Variants in MCPH1 observed in about 807,000 individuals in gnomAD.
MCPH1 encodes the protein microcephalin.
Under a neutral mutation model 84.5 loss-of-function variants are expected in MCPH1, and 104 were observed. The ratio of observed to expected loss-of-function variants is 1.23; its 90% CI spans 1.05 to 1.45. The LOEUF is 1.45. Among genes scored for constraint, MCPH1 ranks in the 40% most tolerant of loss-of-function variants. The pLI is 0.00. For missense variants in MCPH1, 1,498 were observed against 1,005.7 expected (o/e 1.49, Z -6.62); for synonymous variants, 514 against 366.8 (o/e 1.40, Z -4.58).
chr8:6,599,982 A>G (rs1203165849), intron 12 of MCPH1, among the ~76,000 whole-genome samples: 1 of 152,268 alleles, frequency 6.6e-6, no homozygotes, highest in Non-Finnish European at 1.5e-5. Flanking sequence ...GAGGAAAAGT[A>G]CTGTGGTTTT....
At chr8:6,449,943 G>A (rs917420444) in intron 8 of MCPH1, among the ~76,000 whole-genome samples, 3 of 152,176 alleles carry the variant, frequency 2.0e-5, no homozygotes, top group Non-Finnish European at 4.4e-5. Context: ...TGCTTTTCAC[G>A]AAGGAGACAC....
intron 12 of MCPH1, among the ~76,000 whole-genome samples, chr8:6,586,672 G>A (rs1828011524): frequency 1.3e-5 from 2 of 152,220 alleles, no homozygotes; most frequent in Admixed American, 6.5e-5. Flanking sequence ...ACTGCAGTGA[G>A]TATCAAGGGA....
At chr8:6,448,230 A>G (rs1479512729) in intron 8 of MCPH1, among the ~76,000 whole-genome samples, 4 of 152,252 alleles carry the variant, frequency 2.6e-5, no homozygotes, top group Admixed American at 1.3e-4. Context: ...AGAAGGTGAC[A>G]TCCGATCACA....
chr8:6,585,097 C>G (rs1232067578), intron 12 of MCPH1, among the ~76,000 whole-genome samples: 2 of 152,174 alleles, frequency 1.3e-5, no homozygotes, highest in Non-Finnish European at 2.9e-5. Context: ...GTATTGGGAG[C>G]AAAACTGTAT....
intron 13 of MCPH1, among the ~76,000 whole-genome samples, chr8:6,639,440 T>G (rs1274890161): frequency 3.9e-5 from 6 of 152,186 alleles, no homozygotes; most frequent in African/African-American, 1.2e-4. Context: ...GTGAGTGGAC[T>G]GCTTGATGCC....
At chr8:6,496,189 G>C (rs1440408609) in intron 11 of MCPH1, among the ~76,000 whole-genome samples, 1 of 152,186 alleles carries the variant, frequency 6.6e-6, no homozygotes, top group African/African-American at 2.4e-5. Flanking sequence ...GGGGTGACGA[G>C]AGACAGTGAC....
intron 1 of MCPH1, 47 bp downstream of exon 1, chr8:6,406,736 C>G: frequency 1.2e-6 from 2 of 1,603,884 alleles, no homozygotes; most frequent in Non-Finnish European, 1.7e-6. Context: ...GTTTGAGGAC[C>G]GGCACCCCTC....
At chr8:6,624,176 G>A (rs17077721) in intron 13 of MCPH1, among the ~76,000 whole-genome samples, 12,033 of 152,282 alleles carry the variant, frequency 0.079, 812 homozygotes, top group East Asian at 0.34. Context: ...GCTTAATCCT[G>A]AGGCTTCGAT....
chr8:6,619,416 G>A (rs764937410), intron 12 of MCPH1, among the ~76,000 whole-genome samples: 2 of 151,810 alleles, frequency 1.3e-5, no homozygotes, highest in Admixed American at 6.6e-5. Flanking sequence ...TCAGCCTCCC[G>A]AGTAGCTGGG....
At chr8:6,495,270 A>C (rs548941180) in intron 11 of MCPH1, among the ~76,000 whole-genome samples, 1 of 152,210 alleles carries the variant, frequency 6.6e-6, no homozygotes, top group South Asian at 2.1e-4. Flanking sequence ...CATTAACTAC[A>C]TGGGTGCTTT....
intron 12 of MCPH1, among the ~76,000 whole-genome samples, chr8:6,533,540 C>T (rs1280364334): frequency 4.2e-5 from 6 of 141,922 alleles, no homozygotes; most frequent in Non-Finnish European, 9.1e-5. Context: ...ATTGTGTATG[C>T]GTAACTCCAG....
chr8:6,511,828 C>T (rs1815171853), intron 12 of MCPH1, among the ~76,000 whole-genome samples: 2 of 151,694 alleles, frequency 1.3e-5, no homozygotes, highest in South Asian at 2.1e-4. Flanking sequence ...ATAATGTCAG[C>T]GTACAAGGGT....
chr8:6,446,270 C>G, intron 8 of MCPH1: 1 of 984,716 alleles, frequency 1.0e-6, no homozygotes, highest in Non-Finnish European at 1.2e-6. Context: ...GTTCCAGCAA[C>G]CAAAATTGAA....
chr8:6,605,875 T>G (rs1484017094), intron 12 of MCPH1, among the ~76,000 whole-genome samples: 4 of 152,144 alleles, frequency 2.6e-5, no homozygotes, highest in Admixed American at 6.5e-5. Flanking sequence ...TTTTTGTATT[T>G]TTAGTAAAGA....
chr8:6,484,393 A>C (rs1337555920), intron 11 of MCPH1, among the ~76,000 whole-genome samples: 2 of 152,166 alleles, frequency 1.3e-5, no homozygotes, highest in Non-Finnish European at 2.9e-5. Flanking sequence ...TAACAGTCGC[A>C]CTCTAGCAAG....
intron 11 of MCPH1, among the ~76,000 whole-genome samples, chr8:6,489,379 G>A (rs939982395): frequency 6.6e-6 from 1 of 152,024 alleles, no homozygotes; most frequent in Non-Finnish European, 1.5e-5. Flanking sequence ...GGGGAACATG[G>A]CATCAGTCAG....
chr8:6,425,366 G>GT (rs1232301799), intron 3 of MCPH1, among the ~76,000 whole-genome samples: 1 of 152,184 alleles, frequency 6.6e-6, no homozygotes, highest in Non-Finnish European at 1.5e-5. Context: ...TTTTTTGTCT[G>GT]TTCAGTAGAT....
intron 11 of MCPH1, among the ~76,000 whole-genome samples, chr8:6,498,846 C>T (rs1236471943): frequency 2.6e-5 from 4 of 151,972 alleles, no homozygotes; most frequent in South Asian, 2.1e-4. Flanking sequence ...GCCAGAAGTT[C>T]GAGACCAGCC....
intron 12 of MCPH1, chr8:6,562,552 C>CTTTTTTTCTTTTTTTTTTTTTTT (rs1825704138): frequency 1.4e-5 from 1 of 71,750 alleles, no homozygotes; most frequent in Non-Finnish European, 2.6e-5. Context: ...CATCCTCCTT[C>CTTTTTTTCTTTTTTTTTTTTTTT]TTTTTTTTTT....
Sources: allele counts gnomAD v4.1 joint callset (sites outside exome capture counted in the v4.1 genomes callset), GRCh38; gene constraint gnomAD v4.1.1; transcripts MANE v1.5; gene names NCBI Gene and HGNC (gene_info 2026-07-23, HGNC 2026-07-21).